ARID1A: variants seen among roughly 807,000 people sequenced by gnomAD.
ARID1A encodes AT-rich interactive domain-containing protein 1A.
Under a neutral mutation model 212.6 loss-of-function variants are expected in ARID1A, and 20 were observed. That is an observed-to-expected ratio of 0.09 (90% CI 0.07 to 0.14). The LOEUF is 0.14. Ranked by LOEUF, ARID1A falls within the 10% of genes least tolerant of loss-of-function variation. ARID1A has a pLI of 1.00. For missense variants in ARID1A, 2,587 were observed against 3,059.0 expected (o/e 0.85, Z 3.64); for synonymous variants, 1,376 against 1,222.1 (o/e 1.13, Z -2.63).
chr1:26,697,250 G>A lies in ARID1A; in HGVS notation c.847G>A (p.Gly283Ser), dbSNP rs2080277313. The change falls in exon 1 of 20, where the codon GGC becomes AGC. Residue 283 changes from glycine (G) to serine (S), a missense_variant. By Grantham distance (56) the Gly-to-Ser change is moderately conservative. Coordinates refer to ENST00000324856, the MANE Select transcript of ARID1A (RefSeq NM_006015.6). ...AMGGGGPSAA[G>S]GGTPQPTATP... ...GGGGGGAGGCGGCCCCTCCGCGGCC[G>A]GCGGGGGAACTCCCCAGCCCACCGC... is the stretch of plus-strand genomic sequence containing the variant. 6.6e-6 allele frequency: 9 copies of A among 1,372,756 alleles called. No homozygotes were observed. The highest frequency in any genetic ancestry group is 1.5e-5 in the African/African-American group (1 of 65,674). The allele number at this position is 1,372,756 out of a possible 1,614,324, so 85.0% of individuals were successfully genotyped here.
intron 1 of ARID1A, among the ~76,000 whole-genome samples, chr1:26,709,204 T>A (rs1024976781): frequency 6.6e-6 from 1 of 152,198 alleles, no homozygotes; most frequent in Non-Finnish European, 1.5e-5. Flanking sequence ...ATATTAGATA[T>A]GTGAAAGTAC....
intron 1 of ARID1A, among the ~76,000 whole-genome samples, chr1:26,706,097 G>A (rs2080389760): frequency 6.6e-6 from 1 of 152,186 alleles, no homozygotes; most frequent in Admixed American, 6.5e-5. Flanking sequence ...GTGCTCTGCA[G>A]GCCCAAAGCG....
In ARID1A at chr1:26,772,793, G is replaced by C. The variant is rs2124106296; in HGVS notation, c.3540-19G>C. On this transcript the variant is annotated intron_variant, in intron 13 of 19. Coordinates refer to ENST00000324856, the MANE Select transcript of ARID1A (RefSeq NM_006015.6). ...GAATTGGTTTATTTGTGGTTTACTT[G>C]GTTTTCCTCACTCTGGAGCAGGAGC... The C allele has an allele frequency of 6.2e-7, 1 of 1,609,822 alleles. No individual in the cohort carries two copies. Among genetic ancestry groups the C allele is most frequent in the Non-Finnish European group, 8.5e-7 (1 of 1,176,750 alleles).
intron 1 of ARID1A, among the ~76,000 whole-genome samples, chr1:26,715,851 AC>A (rs2080497656): frequency 6.6e-6 from 1 of 151,846 alleles, no homozygotes; most frequent in Non-Finnish European, 1.5e-5. Context: ...AAAAAAAAAA[AC>A]ATAAAATAGT....
At chr1:26,756,415 G>A (rs2080937022) in intron 4 of ARID1A, among the ~76,000 whole-genome samples, 1 of 151,928 alleles carries the variant, frequency 6.6e-6, no homozygotes, top group Non-Finnish European at 1.5e-5. Flanking sequence ...AATTAACTGG[G>A]TGTGGTGGTG....
intron 4 of ARID1A, among the ~76,000 whole-genome samples, chr1:26,744,297 T>C (rs1054908108): frequency 1.3e-5 from 2 of 152,210 alleles, no homozygotes; most frequent in African/African-American, 4.8e-5. Context: ...ATTTCCTGTT[T>C]CTATTCTAGT....
intron 4 of ARID1A, among the ~76,000 whole-genome samples, chr1:26,754,908 C>T (rs2080915221): frequency 6.6e-6 from 1 of 152,200 alleles, no homozygotes; most frequent in African/African-American, 2.4e-5. Context: ...TGCTTGAGCT[C>T]AGGAATTTGA....
chr1:26,776,526 G>C (rs531259868), intron 19 of ARID1A, among the ~76,000 whole-genome samples: 14 of 151,858 alleles, frequency 9.2e-5, no homozygotes, highest in Non-Finnish European at 1.6e-4. Context: ...AGCCGCCTCA[G>C]CCTCCCAAAG....
chr1:26,749,511 C>A (rs903735865), intron 4 of ARID1A, among the ~76,000 whole-genome samples: 1 of 152,136 alleles, frequency 6.6e-6, no homozygotes, highest in South Asian at 2.1e-4. Context: ...AGTGACCCAG[C>A]CGCTGTTTGC....
Position 26,731,441 on chromosome 1 carries a change from G to A in ARID1A, c.1640G>A (p.Ser547Asn), listed in dbSNP as rs2124789487. 6.2e-7 allele frequency: 1 copy of A among 1,613,574 alleles called. No individual in the cohort carries two copies. The highest frequency in any genetic ancestry group is 8.5e-7 in the Non-Finnish European group (1 of 1,179,900). The change falls in exon 3 of 20, where the codon AGC becomes AAC. Residue 547 changes from serine to asparagine, a missense_variant. Physicochemically the swap from Ser to Asn is conservative, Grantham distance 46. This residue lies in a region of ARID1A where 674 missense variants were observed against 813.4 expected (regional missense o/e 0.83). Transcript: ENST00000324856. ...TCGACGACACAGCAGCACCCCCAGA[G>A]CCAGCCCCCCTACTCACAGCCACAG... The part of the protein sequence containing the change: ...QQSTTQQHPQ[S>N]QPPYSQPQAQ...
intron 10 of ARID1A, among the ~76,000 whole-genome samples, chr1:26,767,467 A>G (rs2081049268): frequency 6.6e-6 from 1 of 152,228 alleles, no homozygotes; most frequent in Non-Finnish European, 1.5e-5. Context: ...CTGCCACTTA[A>G]AAGCTGTGAG....
At chr1:26,775,743 T>C in intron 19 of ARID1A, 36 bp downstream of exon 19, 1 of 1,613,918 alleles carries the variant, frequency 6.2e-7, no homozygotes, top group Admixed American at 1.7e-5. Context: ...TGAGAGGGTT[T>C]GGGATCTTCT....
In ARID1A at chr1:26,732,810, T is replaced by G. The variant is rs1412914479; in HGVS notation, c.1920+18T>G. On this transcript the variant is annotated intron_variant, in intron 4 of 19. Transcript: ENST00000324856. ...GCTTGCCTGTGAGTATTTCTGCACC[T>G]TCTGAAAGGTGATAGGGGCAGAGAG... is the stretch of plus-strand genomic sequence containing the variant. 2.5e-6 allele frequency: 4 copies of G among 1,592,010 alleles called. No homozygotes were observed. The South Asian group carries it at 4.4e-5, about 18-fold the overall frequency.
At chr1:26,773,760 G>A (rs371784053) in intron 16 of ARID1A, 42 bp from the exon 17 acceptor site, 352 of 1,613,952 alleles carry the variant, frequency 2.2e-4, no homozygotes, top group Admixed American at 3.5e-4. Context: ...ATCAGGCTTC[G>A]CCACTGCCCA....
chr1:26,702,821 G>A (rs2080344127), intron 1 of ARID1A, among the ~76,000 whole-genome samples: 1 of 152,172 alleles, frequency 6.6e-6, no homozygotes, highest in Non-Finnish European at 1.5e-5. Context: ...AGGGCATGTG[G>A]TATCCTGTTA....
In ARID1A at chr1:26,743,482, C is replaced by T. The variant is rs1471009298; in HGVS notation, c.1920+10690C>T. Among the ~76,000 whole-genome samples, 3 of 152,100 alleles carry T rather than the reference C, an allele frequency of 2.0e-5. No homozygotes were observed. The East Asian group carries it at 5.8e-4, about 29-fold the overall frequency. The stretch of plus-strand genomic sequence containing the variant: ...TACCTAGTTGAGCTTTGGGAGCTGA[C>T]GTTTTGTTGTTTAGGTTTATTGAGA... On this transcript the variant is annotated intron_variant, in intron 4 of 19. Transcript: ENST00000324856.
At chr1:26,707,604 A>G (rs2080405750) in intron 1 of ARID1A, among the ~76,000 whole-genome samples, 1 of 152,014 alleles carries the variant, frequency 6.6e-6, no homozygotes, top group Non-Finnish European at 1.5e-5. Flanking sequence ...TGACCTCCCA[A>G]AGTGCTGGGA....
At chr1:26,720,476 CAAAA>C (rs750462088) in intron 1 of ARID1A, among the ~76,000 whole-genome samples, 1 of 97,848 alleles carries the variant, frequency 1.0e-5, no homozygotes, top group Non-Finnish European at 2.1e-5. Flanking sequence ...GACTCCATCT[CAAAA>C]AAAAAAAAAA....
intron 4 of ARID1A, among the ~76,000 whole-genome samples, chr1:26,738,875 TG>T (rs973601287): frequency 7.2e-5 from 10 of 139,004 alleles, no homozygotes; most frequent in East Asian, 2.0e-4. Flanking sequence ...ACTTTTCTTT[TG>T]TTTTTTTTTT....
Sources: gnomAD v4.1 joint callset for allele counts (sites outside exome capture counted in the v4.1 genomes callset) on GRCh38, gnomAD v4.1.1 for gene constraint, gnomAD v4.1.1 regional missense constraint, MANE v1.5 for transcripts, NCBI Gene and HGNC (gene_info 2026-07-23, HGNC 2026-07-21) for gene names.